The following ANKIB1 variants were observed in gnomAD, a reference collection of about 807,000 sequenced individuals.
ANKIB1 encodes the protein ankyrin repeat and IBR domain-containing protein 1.
Under a neutral mutation model 122.1 loss-of-function variants are expected in ANKIB1, and 43 were observed. That is an observed-to-expected ratio of 0.35 (90% confidence interval 0.28 to 0.45). The LOEUF is 0.45. Ranked by LOEUF, ANKIB1 falls within the 20% of genes least tolerant of loss-of-function variation. The pLI is 1.00. For synonymous variants in ANKIB1, 390 were observed against 442.0 expected, an observed-to-expected ratio of 0.88 and a Z score of 1.48; for missense variants, 992 against 1,329.5, an observed-to-expected ratio of 0.75 and a Z score of 3.95.
intron 3 of ANKIB1, among the ~76,000 whole-genome samples, chr7:92,309,942 A>AAAAAAAAAAAAAAAAAAATATATATATAT (rs1335765681): frequency 1.1e-5 from 1 of 91,790 alleles, no homozygotes; most frequent in Non-Finnish European, 2.0e-5. Context: ...AAAAAAAAAA[A>AAAAAAAAAAAAAAAAAAATATATATATAT]ATATATATAT....
chr7:92,309,942 A>ATATATATAT (rs1554338740), intron 3 of ANKIB1, among the ~76,000 whole-genome samples: 1 of 91,818 alleles, frequency 1.1e-5, no homozygotes, highest in African/African-American at 4.8e-5. Flanking sequence ...AAAAAAAAAA[A>ATATATATAT]ATATATATAT....
intron 2 of ANKIB1, among the ~76,000 whole-genome samples, chr7:92,301,844 T>C (rs1490506625): frequency 1.3e-5 from 2 of 152,224 alleles, no homozygotes; most frequent in Non-Finnish European, 2.9e-5. Flanking sequence ...TTCTCACAAG[T>C]TGATGACTAT....
Position 92,398,987 on chromosome 7 carries a change from A to G in ANKIB1, c.*38A>G. The stretch of plus-strand genomic sequence containing the variant: ...TGGGCTCTAAATGAATTACAGGTAC[A>G]GATGGTATGCTAGGTGGAGTATGCT... On this transcript the variant is annotated 3_prime_UTR_variant, in exon 20 of 20. Coordinates refer to ENST00000265742, the MANE Select transcript of ANKIB1 (RefSeq NM_019004.2). The G allele has an allele frequency of 6.6e-7, 1 of 1,510,780 alleles. No individual in the cohort carries two copies. The highest frequency in any genetic ancestry group is 2.2e-5 in the Admixed American group (1 of 44,490). The allele number at this position is 1,510,780 out of a possible 1,614,324, so 93.6% of individuals were successfully genotyped here.
intron 10 of ANKIB1, among the ~76,000 whole-genome samples, chr7:92,371,134 TTCTGTGATACAATAGTTATTTTA>T (rs1309750933): frequency 6.6e-6 from 1 of 152,174 alleles, no homozygotes; most frequent in Non-Finnish European, 1.5e-5. Flanking sequence ...TTCTGTAATT[TTCTGTGATACAATAGTTATTTTA>T]AATGGAGTAA....
rs775211300 is a variant in ANKIB1, at chr7:92,398,713, A to G, written c.3034A>G (p.Lys1012Glu). The change falls in exon 20 of 20, where the codon AAG (lysine) becomes GAG (glutamate). Residue 1012 changes from lysine to glutamate, a missense_variant. Lys to Glu is a moderately conservative substitution (Grantham distance 56, BLOSUM62 1). Transcript: ENST00000265742. ...TATCAAAGATGGGTCAGAAGGTGTGAAGGATGTGGAACTGGTGCTGCCAGA... is the reference window on the plus strand; with the variant it reads ...TATCAAAGATGGGTCAGAAGGTGTGGAGGATGTGGAACTGGTGCTGCCAGA... ...PCIKDGSEGV[K>E]DVELVLPEDS... 6.2e-7 allele frequency: 1 copy of G among 1,613,660 alleles called. No individual in the cohort carries two copies. Among genetic ancestry groups the G allele is most frequent in the South Asian group, 1.1e-5 (1 of 91,026 alleles).
At chr7:92,254,431 T>C (rs1049344150) in intron 1 of ANKIB1, among the ~76,000 whole-genome samples, 17 of 152,196 alleles carry the variant, frequency 1.1e-4, no homozygotes, top group African/African-American at 4.1e-4. Flanking sequence ...TTCAGAAATA[T>C]TGACACAATT....
Position 92,387,994 on chromosome 7 carries a change from A to C in ANKIB1, c.1859A>C (p.Lys620Thr), listed in dbSNP as rs1804696983. ...CTTTAGCTAGAACAACGCCTTCTTA[A>C]AACAGCCAAAGAAAAGATGGAGCAA... ...HSYQLEQRLL[K>T]TAKEKMEQLS... Residue 620 changes from lysine to threonine, a missense_variant, in exon 14 of 20, where the codon AAA (lysine) becomes ACA (threonine). By Grantham distance (78) the Lys-to-Thr change is moderately conservative. Transcript: ENST00000265742. 1 of 1,582,864 alleles carries C rather than the reference A, an allele frequency of 6.3e-7. No homozygotes were observed. Among genetic ancestry groups the C allele is most frequent in the South Asian group, 1.2e-5 (1 of 86,926 alleles).
At chr7:92,350,287 G>T (rs915669090) in intron 7 of ANKIB1, among the ~76,000 whole-genome samples, 9 of 151,902 alleles carry the variant, frequency 5.9e-5, no homozygotes, top group Non-Finnish European at 1.2e-4. Context: ...TTTCTTTAAA[G>T]CTGTAGCATA....
chr7:92,254,059 G>C (rs1349420179), intron 1 of ANKIB1, among the ~76,000 whole-genome samples: 1 of 152,138 alleles, frequency 6.6e-6, no homozygotes, highest in African/African-American at 2.4e-5. Flanking sequence ...GGAAGCACTA[G>C]ATGTGTCTTG....
chr7:92,343,167 A>G lies in ANKIB1; in HGVS notation c.931A>G (p.Thr311Ala), dbSNP rs1221532659. 3.7e-6 allele frequency: 6 copies of G among 1,613,980 alleles called. No homozygotes were observed. The highest frequency in any genetic ancestry group is 3.3e-4 in the Middle Eastern group (2 of 6,062). Residue 311 changes from threonine (T) to alanine (A), a missense_variant, in exon 6 of 20, where the codon ACA (threonine) becomes GCA (alanine). Coordinates refer to ENST00000265742, the MANE Select transcript of ANKIB1 (RefSeq NM_019004.2). ...CCCATCTCCAAGAACTCCAAGGACT[A>G]CACGCTCTTCTGTCACCTCCCCAGA... is the stretch of plus-strand genomic sequence containing the variant. Reference protein sequence around the residue: ...TLPSPRTPRTTRSSVTSPDEI... With the variant: ...TLPSPRTPRTARSSVTSPDEI...
At chr7:92,259,361 T>G (rs1265371666) in intron 1 of ANKIB1, among the ~76,000 whole-genome samples, 1 of 152,212 alleles carries the variant, frequency 6.6e-6, no homozygotes, top group Non-Finnish European at 1.5e-5. Context: ...CCACCTTCCT[T>G]ATCAATACTC....
At chr7:92,394,504 C>T (rs185859089) in intron 17 of ANKIB1, among the ~76,000 whole-genome samples, 4 of 152,240 alleles carry the variant, frequency 2.6e-5, no homozygotes, top group African/African-American at 9.6e-5. Context: ...TGCTTTTAAA[C>T]GGTTTCATTT....
chr7:92,337,799 G>A (rs1803319702), intron 5 of ANKIB1, among the ~76,000 whole-genome samples: 1 of 151,976 alleles, frequency 6.6e-6, no homozygotes, highest in Non-Finnish European at 1.5e-5. Flanking sequence ...ATAATATAAT[G>A]GAATGGTACT....
chr7:92,389,821 C>A, intron 14 of ANKIB1, 150 bp from the exon 15 acceptor site: 1 of 772,324 alleles, frequency 1.3e-6, no homozygotes, highest in Non-Finnish European at 2.0e-6. Context: ...TAGTTTGGTT[C>A]AAATAAGTAT....
intron 1 of ANKIB1, among the ~76,000 whole-genome samples, chr7:92,289,160 C>T (rs1053723018): frequency 6.6e-6 from 1 of 152,168 alleles, no homozygotes; most frequent in Non-Finnish European, 1.5e-5. Flanking sequence ...TATACCCATA[C>T]AGTGGAATAC....
chr7:92,251,527 G>GA (rs1240040712), intron 1 of ANKIB1, among the ~76,000 whole-genome samples: 1 of 151,936 alleles, frequency 6.6e-6, no homozygotes, highest in African/African-American at 2.4e-5. Flanking sequence ...CAAATTTAAA[G>GA]AAAAAATGCC....
chr7:92,322,929 C>T (rs1352683069), intron 4 of ANKIB1, among the ~76,000 whole-genome samples: 1 of 152,146 alleles, frequency 6.6e-6, no homozygotes, highest in Non-Finnish European at 1.5e-5. Context: ...TTTAAACTCT[C>T]TGCCTCAGTC....
intron 5 of ANKIB1, among the ~76,000 whole-genome samples, chr7:92,341,976 T>C (rs1315309592): frequency 6.6e-6 from 1 of 152,188 alleles, no homozygotes; most frequent in African/African-American, 2.4e-5. Flanking sequence ...CCTGGAAATA[T>C]ACTCCTTCTA....
chr7:92,394,980 A>G (rs919851656), intron 17 of ANKIB1, among the ~76,000 whole-genome samples: 5 of 152,218 alleles, frequency 3.3e-5, no homozygotes, highest in Non-Finnish European at 7.3e-5. Flanking sequence ...CTTTCACAAT[A>G]TAAGCATATT....
Sources: allele counts gnomAD v4.1 joint callset (sites outside exome capture counted in the v4.1 genomes callset), GRCh38; gene constraint gnomAD v4.1.1; transcripts MANE v1.5; gene names NCBI Gene and HGNC (gene_info 2026-07-23, HGNC 2026-07-21).